ARHGAP32: variants seen among roughly 807,000 people sequenced by gnomAD.
The protein encoded by ARHGAP32 is rho GTPase-activating protein 32.
A neutral mutation model predicts 186.5 loss-of-function variants in ARHGAP32; 51 were observed. That is an observed-to-expected ratio of 0.27 (90% CI 0.22 to 0.35). ARHGAP32 has a LOEUF of 0.35. ARHGAP32 is among the 10% of genes least tolerant of loss of function. The pLI is 1.00. For synonymous variants in ARHGAP32, 950 were observed against 964.3 expected, an observed-to-expected ratio of 0.99 and a Z score of 0.27; for missense variants, 2,186 against 2,623.5, an observed-to-expected ratio of 0.83 and a Z score of 3.64.
intron 1 of ARHGAP32, among the ~76,000 whole-genome samples, chr11:129,225,447 C>T (rs1245763968): frequency 6.6e-6 from 1 of 152,222 alleles, no homozygotes; most frequent in South Asian, 2.1e-4. Flanking sequence ...ACACAAAGAG[C>T]CTCTCAGCAA....
chr11:129,141,707 CA>C (rs1047671099), intron 2 of ARHGAP32, among the ~76,000 whole-genome samples: 49 of 134,322 alleles, frequency 3.6e-4, no homozygotes, highest in East Asian at 1.3e-3. Flanking sequence ...TATATAAAAT[CA>C]AAAAAAAAAA....
At chr11:129,060,965 C>T (rs979534962) in intron 10 of ARHGAP32, among the ~76,000 whole-genome samples, 4 of 151,822 alleles carry the variant, frequency 2.6e-5, no homozygotes, top group Non-Finnish European at 4.4e-5. Flanking sequence ...AAACAATTTG[C>T]CCGAGACAAC....
intron 1 of ARHGAP32, among the ~76,000 whole-genome samples, chr11:129,188,016 C>T (rs866575104): frequency 1.2e-4 from 18 of 152,146 alleles, no homozygotes; most frequent in Middle Eastern, 3.4e-3. Context: ...AATGCAGTGC[C>T]GTAATCTCAG....
chr11:129,066,655 GT>G (rs1940700842), intron 7 of ARHGAP32, 75 bp downstream of exon 7: 1 of 1,426,898 alleles, frequency 7.0e-7, no homozygotes, highest in African/African-American at 1.4e-5. Flanking sequence ...ATAAGCTTTT[GT>G]TTAGTATACA....
intron 1 of ARHGAP32, among the ~76,000 whole-genome samples, chr11:129,198,578 C>T (rs1174266690): frequency 1.3e-5 from 2 of 152,202 alleles, no homozygotes; most frequent in African/African-American, 4.8e-5. Flanking sequence ...TGCTGGCTGC[C>T]ATGTAAGATG....
chr11:128,991,406 A>G (rs1301769898), intron 12 of ARHGAP32, among the ~76,000 whole-genome samples: 1 of 152,180 alleles, frequency 6.6e-6, no homozygotes, highest in African/African-American at 2.4e-5. Flanking sequence ...AGAAAAGCAT[A>G]AACTTGAATC....
chr11:129,028,064 A>T (rs1404525275), intron 11 of ARHGAP32, among the ~76,000 whole-genome samples: 1 of 152,238 alleles, frequency 6.6e-6, no homozygotes, highest in African/African-American at 2.4e-5. Context: ...CTATAATGAA[A>T]ACTGTTCATG....
rs1399473209 is a variant in ARHGAP32, at chr11:128,974,594, G to A, written c.2603C>T (p.Pro868Leu). 1.5e-5 allele frequency: 24 copies of A among 1,614,186 alleles called. No homozygotes were observed. Among genetic ancestry groups the A allele is most frequent in the Non-Finnish European group, 1.9e-5 (23 of 1,180,020 alleles). ...CAGTTTCTCCTGAAGAGGAGAGACA[G>A]GTTCAGAGCTTGCTGTGCTTCCTGG... ...QTPGSTASSE[P>L]VSPLQEKLSP... The change falls in exon 21 of 23, where the codon CCT becomes CTT. Residue 868 changes from proline to leucine, a missense_variant. This residue lies in a region of ARHGAP32 where 1,502 missense variants were observed against 1,570.0 expected (regional missense o/e 0.96). Coordinates refer to ENST00000682385, the MANE Select transcript of ARHGAP32 (RefSeq NM_001378024.1).
upstream of ARHGAP32, among the ~76,000 whole-genome samples, chr11:129,196,338 T>C (rs1229603803): frequency 2.0e-5 from 3 of 152,228 alleles, no homozygotes; most frequent in Non-Finnish European, 4.4e-5. Context: ...GGGATGGTCC[T>C]ATCTGTATTG....
chr11:129,135,865 A>G (rs1428623991), intron 2 of ARHGAP32, among the ~76,000 whole-genome samples: 1 of 152,206 alleles, frequency 6.6e-6, no homozygotes, highest in African/African-American at 2.4e-5. Flanking sequence ...AAAGGTTAAC[A>G]TGTTCTTCTA....
intron 6 of ARHGAP32, among the ~76,000 whole-genome samples, chr11:129,079,582 G>C (rs190785014): frequency 6.6e-6 from 1 of 152,228 alleles, no homozygotes; most frequent in Admixed American, 6.5e-5. Context: ...AGCACTACAA[G>C]AAATGCTTAA....
chr11:128,998,239 TCTACTC>T (rs2134733585), intron 12 of ARHGAP32, 74 bp downstream of exon 12: 2 of 1,204,466 alleles, frequency 1.7e-6, no homozygotes, highest in African/African-American at 3.1e-5. Flanking sequence ...TTTGACTAAA[TCTACTC>T]CATAATTGGT....
rs140780291 is a variant in ARHGAP32 at position 128,971,337 on chromosome 11, T to C, written c.4054-178A>G. 17 of 569,568 alleles carry C rather than the reference T, an allele frequency of 3.0e-5. No individual in the cohort carries two copies. The East Asian group carries it at 4.0e-4, about 13-fold the overall frequency. The allele number at this position is 569,568 out of a possible 1,614,324, so 35.3% of individuals were successfully genotyped here. On this transcript the variant is annotated intron_variant, in intron 22 of 22. Coordinates refer to ENST00000682385, the MANE Select transcript of ARHGAP32 (RefSeq NM_001378024.1). Reference sequence around the variant, plus strand: ...GAAAAGAAGGCTTGTGCTGCTATTTTGTACAACACCCAGTATTATCTTTGG... The same window carrying C: ...GAAAAGAAGGCTTGTGCTGCTATTTCGTACAACACCCAGTATTATCTTTGG...
At chr11:129,109,913 C>T (rs1262813943) in intron 5 of ARHGAP32, among the ~76,000 whole-genome samples, 1 of 151,994 alleles carries the variant, frequency 6.6e-6, no homozygotes, top group Non-Finnish European at 1.5e-5. Flanking sequence ...GAGACTCTGT[C>T]GATTGTTTCC....
intron 1 of ARHGAP32, among the ~76,000 whole-genome samples, chr11:129,273,547 C>G (rs1945495766): frequency 6.6e-6 from 1 of 152,164 alleles, no homozygotes; most frequent in Non-Finnish European, 1.5e-5. Context: ...GTTCAAAACT[C>G]ATTTTCCTGT....
intron 2 of ARHGAP32, among the ~76,000 whole-genome samples, chr11:129,149,107 G>A (rs1488124043): frequency 6.6e-6 from 1 of 152,168 alleles, no homozygotes; most frequent in Non-Finnish European, 1.5e-5. Flanking sequence ...GGCCAATGCA[G>A]GGCAAGCACA....
intron 6 of ARHGAP32, among the ~76,000 whole-genome samples, chr11:129,086,988 A>G (rs375456375): frequency 9.2e-5 from 14 of 152,336 alleles, no homozygotes; most frequent in African/African-American, 2.9e-4. Context: ...TTAATAGCAT[A>G]TAAAAATGCT....
In ARHGAP32 at chr11:128,986,224, C is replaced by T. The variant is rs2136121893; in HGVS notation, c.1444-139G>A. The stretch of plus-strand genomic sequence containing the variant: ...TGGCGAGGAAACACAACATTGTATT[C>T]AGGAAGTAAACTGTTTCCACACAGT... On this transcript the variant is annotated intron_variant, in intron 14 of 22. Transcript: ENST00000682385. 4.1e-6 allele frequency: 3 copies of T among 726,202 alleles called. No individual in the cohort carries two copies. In the South Asian group the frequency reaches 5.2e-5, roughly 13 times the overall value. 45.0% of individuals were successfully genotyped at this position (726,202 alleles called of 1,614,324 possible).
chr11:129,174,798 C>T (rs1018920709), intron 1 of ARHGAP32, among the ~76,000 whole-genome samples: 3 of 151,744 alleles, frequency 2.0e-5, no homozygotes, highest in African/African-American at 7.3e-5. Context: ...CTGTACATCA[C>T]CATCATCAAA....
Sources: allele counts gnomAD v4.1 joint callset (sites outside exome capture counted in the v4.1 genomes callset), GRCh38; gene constraint gnomAD v4.1.1; regional missense constraint gnomAD v4.1.1; transcripts MANE v1.5; gene names NCBI Gene and HGNC (gene_info 2026-07-23, HGNC 2026-07-21).